Variants in CSMD1 observed in about 807,000 individuals in gnomAD.
The protein encoded by CSMD1 is CUB and sushi domain-containing protein 1.
A neutral mutation model predicts 417.5 loss-of-function variants in CSMD1; 213 were observed. The ratio of observed to expected loss-of-function variants is 0.51; its 90% CI spans 0.46 to 0.57. CSMD1 has a LOEUF of 0.57. Ranked by LOEUF, CSMD1 falls within the 20% of genes least tolerant of loss-of-function variation. The pLI, the probability that CSMD1 is intolerant of heterozygous loss-of-function variation, is 0.00. For synonymous variants in CSMD1, 2,862 were observed against 1,736.8 expected (o/e 1.65, Z -16.11); for missense variants, 6,923 against 4,529.7 (o/e 1.53, Z -15.17).
intron 5 of CSMD1, among the ~76,000 whole-genome samples, chr8:3,755,226 G>A (rs939829329): frequency 1.3e-5 from 2 of 152,184 alleles, no homozygotes; most frequent in African/African-American, 4.8e-5. Flanking sequence ...AGGATTGCGT[G>A]CTGGCTCGAC....
intron 8 of CSMD1, among the ~76,000 whole-genome samples, chr8:3,603,342 G>A (rs4875751): frequency 0.31 from 47,818 of 151,920 alleles, 10,040 homozygotes; most frequent in East Asian, 0.57. Flanking sequence ...TTTAAGTTGT[G>A]AAAACACTTT....
chr8:3,991,724 T>C (rs889278806), intron 5 of CSMD1, among the ~76,000 whole-genome samples: 1 of 152,176 alleles, frequency 6.6e-6, no homozygotes, highest in East Asian at 1.9e-4. Flanking sequence ...TCCATCTTCC[T>C]GTTTTGAAAT....
chr8:4,714,350 G>A (rs574989651), intron 1 of CSMD1, among the ~76,000 whole-genome samples: 3 of 151,756 alleles, frequency 2.0e-5, no homozygotes, highest in Admixed American at 6.6e-5. Flanking sequence ...GGGGTCAGGG[G>A]GTCAAGAATT....
At chr8:4,197,202 C>T (rs940816731) in intron 3 of CSMD1, among the ~76,000 whole-genome samples, 2 of 152,142 alleles carry the variant, frequency 1.3e-5, no homozygotes, top group Admixed American at 6.5e-5. Flanking sequence ...TAGCATTTTC[C>T]AGTAAGAGCA....
intron 3 of CSMD1, among the ~76,000 whole-genome samples, chr8:4,354,958 A>G (rs1321584176): frequency 6.6e-6 from 1 of 151,500 alleles, no homozygotes; most frequent in African/African-American, 2.4e-5. Flanking sequence ...AATTCCACCC[A>G]AACCCATGTT....
chr8:4,313,864 A>G (rs1009780533), intron 3 of CSMD1, among the ~76,000 whole-genome samples: 1 of 151,940 alleles, frequency 6.6e-6, no homozygotes, highest in Non-Finnish European at 1.5e-5. Flanking sequence ...AAATACAAAA[A>G]TTAGCTAGGC....
intron 3 of CSMD1, among the ~76,000 whole-genome samples, chr8:4,220,443 G>A (rs1461773132): frequency 6.6e-6 from 1 of 152,204 alleles, no homozygotes; most frequent in African/African-American, 2.4e-5. Flanking sequence ...TGGCATTAGA[G>A]GTCAGGGCAG....
At chr8:3,804,911 G>C (rs1487920769) in intron 5 of CSMD1, among the ~76,000 whole-genome samples, 1 of 152,148 alleles carries the variant, frequency 6.6e-6, no homozygotes, top group Admixed American at 6.5e-5. Context: ...GACTACTTTA[G>C]AGTTTCAGGT....
At chr8:4,275,175 G>T (rs540065638) in intron 3 of CSMD1, among the ~76,000 whole-genome samples, 1 of 151,658 alleles carries the variant, frequency 6.6e-6, no homozygotes, top group South Asian at 2.1e-4. Context: ...CATTTTCTGG[G>T]GTTTTTTCTT....
chr8:3,321,572 G>T (rs1039731862), intron 23 of CSMD1, among the ~76,000 whole-genome samples: 1 of 152,122 alleles, frequency 6.6e-6, no homozygotes, highest in African/African-American at 2.4e-5. Flanking sequence ...CTGAACGCAC[G>T]GGTAGCCCAG....
intron 1 of CSMD1, among the ~76,000 whole-genome samples, chr8:4,870,752 G>A (rs1350193196): frequency 1.3e-5 from 2 of 152,150 alleles, no homozygotes; most frequent in African/African-American, 2.4e-5. Context: ...ATGTGAGCCT[G>A]CTCCATTCAG....
rs770510703 is a variant in CSMD1, at chr8:3,238,536, C to T, written c.4154-8305G>A. On this transcript the variant is annotated intron_variant, in intron 26 of 69. Coordinates refer to ENST00000635120, the MANE Select transcript of CSMD1 (RefSeq NM_033225.6). ...CTCAGGGCTGCTTGGAGCGAGACTA[C>T]GGGCAGCATGGGAACTTAGAGTGGG... Among the ~76,000 whole-genome samples the T allele has an allele frequency of 9.9e-5, 15 of 152,038 alleles. 1 individual carries two copies. Among genetic ancestry groups the T allele is most frequent in the African/African-American group, 1.4e-4 (6 of 41,468 alleles).
At chr8:4,751,980 C>T (rs1182379399) in intron 1 of CSMD1, among the ~76,000 whole-genome samples, 3 of 152,132 alleles carry the variant, frequency 2.0e-5, no homozygotes, top group Non-Finnish European at 4.4e-5. Context: ...ATATACACGA[C>T]TGTATATATG....
At chr8:3,529,290 G>C (rs1010073235) in intron 10 of CSMD1, among the ~76,000 whole-genome samples, 2 of 152,092 alleles carry the variant, frequency 1.3e-5, no homozygotes, top group Non-Finnish European at 2.9e-5. Flanking sequence ...GCATTAATTT[G>C]AAGAATGCAA....
intron 2 of CSMD1, among the ~76,000 whole-genome samples, chr8:4,458,021 G>C (rs889168447): frequency 1.3e-5 from 2 of 152,038 alleles, no homozygotes; most frequent in African/African-American, 4.8e-5. Context: ...CCTATATCCG[G>C]TATTCCTCTA....
At chr8:4,239,997 A>AC (rs780538151) in intron 3 of CSMD1, among the ~76,000 whole-genome samples, 1 of 152,040 alleles carries the variant, frequency 6.6e-6, no homozygotes, top group Admixed American at 6.5e-5. Flanking sequence ...AAAATACATA[A>AC]GGCGTGTTCT....
At chr8:3,485,702 G>T (rs941103957) in intron 11 of CSMD1, among the ~76,000 whole-genome samples, 1 of 151,666 alleles carries the variant, frequency 6.6e-6, no homozygotes, top group Non-Finnish European at 1.5e-5. Flanking sequence ...AGCAGTTGCA[G>T]TGAGTTGAGA....
At chr8:3,920,397 G>A (rs941946703) in intron 5 of CSMD1, among the ~76,000 whole-genome samples, 6 of 151,630 alleles carry the variant, frequency 4.0e-5, no homozygotes, top group African/African-American at 1.2e-4. Context: ...GGACACTGTA[G>A]GTTCTTTTCT....
At chr8:3,794,463 T>G (rs1799929457) in intron 5 of CSMD1, among the ~76,000 whole-genome samples, 1 of 152,174 alleles carries the variant, frequency 6.6e-6, no homozygotes, top group Admixed American at 6.6e-5. Flanking sequence ...ATAAACCAAT[T>G]AAATCAACAA....
Sources: allele counts gnomAD v4.1 joint callset (sites outside exome capture counted in the v4.1 genomes callset), GRCh38; gene constraint gnomAD v4.1.1; transcripts MANE v1.5; gene names NCBI Gene and HGNC (gene_info 2026-07-23, HGNC 2026-07-21).